Variants in GPR19 observed in about 807,000 individuals in gnomAD.
GPR19 encodes G protein-coupled receptor 19.
A neutral mutation model predicts 28.5 loss-of-function variants in GPR19; 14 were observed. That is an observed-to-expected ratio of 0.49 (90% confidence interval 0.32 to 0.77). GPR19 has a LOEUF of 0.77. Ranked by LOEUF, GPR19 falls within the 30% of genes least tolerant of loss-of-function variation. The pLI, the probability that GPR19 is intolerant of heterozygous loss-of-function variation, is 0.03. For synonymous variants in GPR19, 173 were observed against 184.1 expected (o/e 0.94, Z 0.49); for missense variants, 409 against 504.1 (o/e 0.81, Z 1.81).
In GPR19 at chr12:12,662,354, G is replaced by A; in HGVS notation, c.95C>T (p.Ala32Val). ...CAGGTATTGGCTTGGCAGAGGTGTGGCTGTTTCAGTGCAGCTGCGGTTTTG... is the reference window on the plus strand; with the variant it reads ...CAGGTATTGGCTTGGCAGAGGTGTGACTGTTTCAGTGCAGCTGCGGTTTTG... ...PLQNRSCTETATPLPSQYLME... is the reference protein window; with the variant it reads ...PLQNRSCTETVTPLPSQYLME... The change falls in exon 4 of 4, where the codon GCC (alanine) becomes GTC (valine). Residue 32 changes from alanine to valine, a missense_variant. By Grantham distance (64) the Ala-to-Val change is moderately conservative. Transcript: ENST00000651487. 1 of 1,614,230 alleles carries A rather than the reference G, an allele frequency of 6.2e-7. No individual in the cohort carries two copies. The highest frequency in any genetic ancestry group is 2.2e-5 in the East Asian group (1 of 44,892).
chr12:12,681,645 T>A (rs1051740577), intron 3 of GPR19, among the ~76,000 whole-genome samples: 3 of 152,218 alleles, frequency 2.0e-5, no homozygotes, highest in African/African-American at 7.2e-5. Context: ...CCGTCAGGGC[T>A]GTTGTCTGTT....
At chr12:12,697,003 T>C (rs1946273585), upstream of GPR19, among the ~76,000 whole-genome samples, 1 of 152,080 alleles carries the variant, frequency 6.6e-6, no homozygotes, top group African/African-American at 2.4e-5. Context: ...CAGCCACAGT[T>C]AATGAAACTC....
chr12:12,704,347 CAA>C, the GPR19 span, among the ~76,000 whole-genome samples: 2 of 152,112 alleles, frequency 1.3e-5, no homozygotes, highest in Non-Finnish European at 2.9e-5. Context: ...ACTAAAAATA[CAA>C]AAGCTAGCTG....
intron 2 of GPR19, among the ~76,000 whole-genome samples, chr12:12,687,651 T>C (rs769918518): frequency 1.2e-4 from 18 of 152,308 alleles, no homozygotes; most frequent in Non-Finnish European, 8.8e-5. Flanking sequence ...CTGAAAATAT[T>C]GGGGATAGTA....
At chr12:12,685,093 G>A (rs1379837072) in intron 2 of GPR19, 1 of 152,100 alleles carries the variant, frequency 6.6e-6, no homozygotes, top group African/African-American at 2.4e-5. Context: ...GAGGTCCTGT[G>A]CCTAAACATA....
the GPR19 span, among the ~76,000 whole-genome samples, chr12:12,714,571 C>A: frequency 6.6e-6 from 1 of 152,180 alleles, no homozygotes; most frequent in African/African-American, 2.4e-5. Context: ...AAAATGGCAA[C>A]CAAAACATCA....
intron 3 of GPR19, among the ~76,000 whole-genome samples, chr12:12,680,433 T>C (rs1253276886): frequency 6.6e-6 from 1 of 152,246 alleles, no homozygotes; most frequent in Non-Finnish European, 1.5e-5. Flanking sequence ...AGATGACTGC[T>C]TTAAAGGTTT....
At chr12:12,683,731 T>A (rs867037439) in intron 3 of GPR19, among the ~76,000 whole-genome samples, 1 of 152,188 alleles carries the variant, frequency 6.6e-6, no homozygotes, top group Non-Finnish European at 1.5e-5. Flanking sequence ...AAAATTTGAG[T>A]TCACGGCTGA....
chr12:12,715,617 A>AGCAGGACCT, the GPR19 span, among the ~76,000 whole-genome samples: 1 of 152,258 alleles, frequency 6.6e-6, no homozygotes. Context: ...CTTGTAAGAC[A>AGCAGGACCT]GCAGGACCTG....
At chr12:12,712,295 C>T in the GPR19 span, among the ~76,000 whole-genome samples, 1 of 152,202 alleles carries the variant, frequency 6.6e-6, no homozygotes, top group African/African-American at 2.4e-5. Flanking sequence ...TTCATTTAGC[C>T]CTGTCCCTAG....
chr12:12,675,866 G>A (rs556825992), intron 3 of GPR19, among the ~76,000 whole-genome samples: 1 of 152,266 alleles, frequency 6.6e-6, no homozygotes, highest in Middle Eastern at 3.4e-3. Flanking sequence ...CTAAGATCTT[G>A]ATTTTAGCCC....
intron 3 of GPR19, among the ~76,000 whole-genome samples, chr12:12,683,733 C>A (rs1439665735): frequency 2.6e-5 from 4 of 152,208 alleles, no homozygotes; most frequent in Non-Finnish European, 4.4e-5. Context: ...AATTTGAGTT[C>A]ACGGCTGATT....
the GPR19 span, among the ~76,000 whole-genome samples, chr12:12,707,844 G>A: frequency 2.0e-5 from 3 of 151,502 alleles, no homozygotes; most frequent in Non-Finnish European, 2.9e-5. Flanking sequence ...TTGGCCTCTC[G>A]AAGTGCTGGC....
At chr12:12,675,253 T>C (rs561067462) in intron 3 of GPR19, among the ~76,000 whole-genome samples, 1 of 152,042 alleles carries the variant, frequency 6.6e-6, no homozygotes, top group Non-Finnish European at 1.5e-5. Context: ...GAGGGATAAG[T>C]GGAGCCGAGA....
upstream of GPR19, among the ~76,000 whole-genome samples, chr12:12,698,085 A>G (rs1431295886): frequency 1.3e-5 from 2 of 152,248 alleles, no homozygotes; most frequent in Admixed American, 1.3e-4. Flanking sequence ...ATTGCACATA[A>G]TGAGAAGGCT....
chr12:12,715,447 G>A, the GPR19 span, among the ~76,000 whole-genome samples: 1 of 151,954 alleles, frequency 6.6e-6, no homozygotes, highest in African/African-American at 2.4e-5. Context: ...CCCCTTTACT[G>A]TTCTCTGGGT....
chr12:12,681,162 C>CAAA (rs1173987857), intron 3 of GPR19, among the ~76,000 whole-genome samples: 1 of 152,142 alleles, frequency 6.6e-6, no homozygotes, highest in African/African-American at 2.4e-5. Context: ...TTTGCCTTGG[C>CAAA]TGATGGAGAA....
At chr12:12,693,772 G>T (rs1946219038) in intron 2 of GPR19, among the ~76,000 whole-genome samples, 1 of 152,122 alleles carries the variant, frequency 6.6e-6, no homozygotes, top group African/African-American at 2.4e-5. Flanking sequence ...GCACGATCTC[G>T]GCTGACCGCA....
the GPR19 span, among the ~76,000 whole-genome samples, chr12:12,701,886 A>G: frequency 7.0e-6 from 1 of 142,714 alleles, no homozygotes; most frequent in Non-Finnish European, 1.5e-5. Flanking sequence ...ATGGCATTGC[A>G]CTCCAGCCTG....
Sources: gnomAD v4.1 joint callset for allele counts (sites outside exome capture counted in the v4.1 genomes callset) on GRCh38, gnomAD v4.1.1 for gene constraint, MANE v1.5 for transcripts, NCBI Gene and HGNC (gene_info 2026-07-23, HGNC 2026-07-21) for gene names.